LYRM4: variants seen among roughly 807,000 people sequenced by gnomAD.
LYRM4 encodes the protein LYR motif-containing protein 4.
LYRM4 carries 9 observed loss-of-function variants against 11.7 expected under a neutral mutation model. The observed-to-expected ratio is 0.77, with a 90% CI of 0.46 to 1.34. The LOEUF (loss-of-function observed/expected upper bound fraction) is 1.34, where lower values mean the gene tolerates loss of function less well. Among genes scored for constraint, LYRM4 ranks in the 40% most tolerant of loss-of-function variants. The probability of loss-of-function intolerance (pLI) is 0.00; values close to 1 mark genes in which losing one functional copy is unlikely to be tolerated. For synonymous variants in LYRM4, 42 were observed against 40.4 expected (o/e 1.04, Z -0.15); for missense variants, 133 against 112.5 (o/e 1.18, Z -0.82).
the LYRM4 span, among the ~76,000 whole-genome samples, chr6:5,093,347 C>T: frequency 3.3e-5 from 5 of 152,376 alleles, no homozygotes; most frequent in South Asian, 1.0e-3. Flanking sequence ...CTGTCCCTGC[C>T]TGGCATGACC....
At chr6:5,118,094 A>ATATATTTTTTT in intron 2 of LYRM4, among the ~76,000 whole-genome samples, 70 of 86,120 alleles carry the variant, frequency 8.1e-4, no homozygotes, top group African/African-American at 2.5e-3. Context: ...ATATATATAT[A>ATATATTTTTTT]TTTTTGTTTT....
chr6:5,107,074 A>G (rs1762683578), downstream of LYRM4: 1 of 152,296 alleles, frequency 6.6e-6, no homozygotes, highest in South Asian at 2.1e-4. Context: ...AAGGTGGAGG[A>G]CCAAGGCCTG....
the LYRM4 span, chr6:5,067,006 C>G: frequency 1.4e-6 from 1 of 736,872 alleles, no homozygotes. Flanking sequence ...AGGCCCGCTC[C>G]AAGGATTACC....
downstream of LYRM4, among the ~76,000 whole-genome samples, chr6:5,101,968 CTTTTTT>C (rs397826404): frequency 4.3e-4 from 29 of 67,988 alleles, 2 homozygotes; most frequent in African/African-American, 8.6e-4. Context: ...CTAATGCTTT[CTTTTTT>C]TTTTTTTTTT....
chr6:5,081,204 A>T, the LYRM4 span, among the ~76,000 whole-genome samples: 2 of 149,240 alleles, frequency 1.3e-5, no homozygotes, highest in East Asian at 3.9e-4. Flanking sequence ...ACATCATTTA[A>T]CTATTAACTT....
chr6:5,120,802 A>T (rs919086134), intron 2 of LYRM4, among the ~76,000 whole-genome samples: 1 of 152,176 alleles, frequency 6.6e-6, no homozygotes, highest in Admixed American at 6.5e-5. Flanking sequence ...AGCTAGCTAC[A>T]GAGTGCCGAT....
intron 1 of LYRM4, among the ~76,000 whole-genome samples, chr6:5,249,331 T>C (rs1433987714): frequency 2.0e-5 from 3 of 152,214 alleles, no homozygotes; most frequent in African/African-American, 7.2e-5. Flanking sequence ...AAATCAAGAC[T>C]GCCTCACTCA....
intron 1 of LYRM4, among the ~76,000 whole-genome samples, chr6:5,255,692 G>A (rs937044478): frequency 1.3e-5 from 2 of 151,932 alleles, no homozygotes; most frequent in African/African-American, 4.8e-5. Context: ...CCGTAGCCAC[G>A]AATTTTCTCA....
intron 1 of LYRM4, among the ~76,000 whole-genome samples, chr6:5,229,173 T>A (rs1022068597): frequency 2.0e-5 from 3 of 152,128 alleles, no homozygotes; most frequent in Non-Finnish European, 1.5e-5. Flanking sequence ...TTTAACGTCG[T>A]GGCTCTTGGG....
chr6:5,213,498 C>T (rs985925560), intron 2 of LYRM4, among the ~76,000 whole-genome samples: 1 of 152,178 alleles, frequency 6.6e-6, no homozygotes, highest in African/African-American at 2.4e-5. Flanking sequence ...CTGTGGGCTT[C>T]CTCACTGGTG....
chr6:5,090,984 A>T, the LYRM4 span, among the ~76,000 whole-genome samples: 1 of 151,902 alleles, frequency 6.6e-6, no homozygotes, highest in East Asian at 1.9e-4. The surrounding 1 kb of genome is among the most constrained non-coding windows in gnomAD (Gnocchi z 4.8). Context: ...AGGAAATGTG[A>T]TTTCTTTTTT....
At chr6:5,184,723 A>AGATG (rs1203576870) in intron 2 of LYRM4, among the ~76,000 whole-genome samples, 2 of 151,900 alleles carry the variant, frequency 1.3e-5, no homozygotes, top group Non-Finnish European at 2.9e-5. Flanking sequence ...CACCCAGCAA[A>AGATG]CTCTTGCTGA....
chr6:5,248,343 T>G (rs893291390), intron 1 of LYRM4, among the ~76,000 whole-genome samples: 4 of 152,282 alleles, frequency 2.6e-5, no homozygotes, highest in African/African-American at 7.2e-5. Context: ...AATGGCCTCC[T>G]GACTGGCCTC....
the LYRM4 span, among the ~76,000 whole-genome samples, chr6:5,047,561 T>C: frequency 6.6e-6 from 1 of 152,232 alleles, no homozygotes; most frequent in Admixed American, 6.5e-5. Context: ...TGATGATGCA[T>C]TCTTTTATTG....
At chr6:5,227,696 G>A (rs777110724) in intron 1 of LYRM4, among the ~76,000 whole-genome samples, 2 of 152,152 alleles carry the variant, frequency 1.3e-5, no homozygotes, top group Non-Finnish European at 2.9e-5. Context: ...TATGTTTACT[G>A]CAGCAGTATT....
At chr6:5,209,807 A>G (rs1279376867) in intron 2 of LYRM4, among the ~76,000 whole-genome samples, 1 of 152,232 alleles carries the variant, frequency 6.6e-6, no homozygotes, top group Non-Finnish European at 1.5e-5. Flanking sequence ...GAAGCCAACC[A>G]GGGAACAGGG....
At chr6:5,212,774 G>C (rs1762051944) in intron 2 of LYRM4, among the ~76,000 whole-genome samples, 1 of 152,222 alleles carries the variant, frequency 6.6e-6, no homozygotes, top group Non-Finnish European at 1.5e-5. Context: ...CAGACTGGAT[G>C]GTAATTTTCC....
chr6:5,069,541 C>T, the LYRM4 span, among the ~76,000 whole-genome samples: 1 of 151,602 alleles, frequency 6.6e-6, no homozygotes, highest in East Asian at 1.9e-4. Context: ...AGTGCAGTGG[C>T]GTGATCTCAG....
chr6:5,166,569 G>A (rs950776397), intron 2 of LYRM4, among the ~76,000 whole-genome samples: 6 of 152,188 alleles, frequency 3.9e-5, no homozygotes, highest in Admixed American at 3.3e-4. Context: ...AAGAGTAGAA[G>A]AGAGAAAAAA....
Sources: allele counts gnomAD v4.1 joint callset (sites outside exome capture counted in the v4.1 genomes callset), GRCh38; gene constraint gnomAD v4.1.1; non-coding constraint Gnocchi (gnomAD v3.1); transcripts MANE v1.5; gene names NCBI Gene and HGNC (gene_info 2026-07-23, HGNC 2026-07-21).